Variants in TCF4 observed in about 807,000 individuals in gnomAD.
TCF4 encodes the protein transcription factor 4, also known as SL3-3 enhancer factor 2.
A neutral mutation model predicts 82.1 loss-of-function variants in TCF4; 3 were observed. The observed-to-expected ratio is 0.04, with a 90% confidence interval of 0.02 to 0.09. TCF4 has a LOEUF of 0.09. Ranked by LOEUF, TCF4 falls within the 10% of genes least tolerant of loss-of-function variation. The pLI is 1.00. For missense variants in TCF4, 518 were observed against 852.7 expected, an observed-to-expected ratio of 0.61 and a Z score of 4.89; for synonymous variants, 276 against 309.6, an observed-to-expected ratio of 0.89 and a Z score of 1.14.
intron 5 of TCF4, among the ~76,000 whole-genome samples, chr18:55,420,899 GAAA>G: frequency 9.9e-6 from 1 of 101,382 alleles, no homozygotes; most frequent in East Asian, 3.4e-4. Flanking sequence ...CGCTTTAAAA[GAAA>G]AAAAAAAAAA....
intron 3 of TCF4, among the ~76,000 whole-genome samples, chr18:55,577,122 TTA>T (rs1266801475): frequency 6.8e-6 from 1 of 146,148 alleles, no homozygotes; most frequent in Non-Finnish European, 1.5e-5. Flanking sequence ...ATATATACAT[TTA>T]TATATTTATA....
At chr18:55,259,633 G>C in intron 13 of TCF4, 1 of 285,164 alleles carries the variant, frequency 3.5e-6, no homozygotes, top group East Asian at 7.1e-5. Context: ...TTTTTCATCT[G>C]AGACGTTTTA....
rs371871030 is a variant in TCF4 at position 55,351,701 on chromosome 18, C to T, written c.370-698G>A. 17 of 358,308 alleles carry T rather than the reference C, an allele frequency of 4.7e-5. No homozygotes were observed. The East Asian group carries it at 2.6e-3, about 56-fold the overall frequency. The allele number at this position is 358,308 out of a possible 1,614,324, so 22.2% of individuals were successfully genotyped here. A position where few individuals can be genotyped will look rare whatever the true frequency, so the allele number is the denominator to read the frequency against. ...AACACTAGAAAACTTCCACAATAAC[C>T]TATCACAGTGTGACAATTATTAAAC... On this transcript the variant is annotated intron_variant, in intron 6 of 19. Transcript: ENST00000354452.
chr18:55,350,253 C>A (rs369842653), intron 8 of TCF4, 106 bp downstream of exon 8: 1 of 1,191,194 alleles, frequency 8.4e-7, no homozygotes, highest in African/African-American at 1.5e-5. Flanking sequence ...TCTAGATAAA[C>A]GTGCTGCTCT....
chr18:55,472,567 T>A (rs942621581), intron 3 of TCF4, among the ~76,000 whole-genome samples: 11 of 152,320 alleles, frequency 7.2e-5, no homozygotes, highest in Middle Eastern at 3.4e-3. Context: ...GAGCCATGAA[T>A]AACTCAAGCA....
At chr18:55,334,544 C>A (rs571539743) in intron 8 of TCF4, among the ~76,000 whole-genome samples, 4 of 152,086 alleles carry the variant, frequency 2.6e-5, no homozygotes, top group Non-Finnish European at 5.9e-5. Context: ...AACAGCATAA[C>A]CTCTTACCTA....
At chr18:55,616,276 G>T (rs775573383) in intron 2 of TCF4, among the ~76,000 whole-genome samples, 2 of 152,020 alleles carry the variant, frequency 1.3e-5, no homozygotes, top group Non-Finnish European at 2.9e-5. Flanking sequence ...TGTCCTCCAG[G>T]TTCATCCATG....
rs147146092 is a variant in TCF4 at position 55,530,863 on chromosome 18, A to C, written c.145+54417T>G. On this transcript the variant is annotated intron_variant, in intron 3 of 19. Coordinates refer to ENST00000354452, the MANE Select transcript of TCF4 (RefSeq NM_001083962.2). The stretch of plus-strand genomic sequence containing the variant: ...AGACATTCTATGAAACTACCACTAG[A>C]CTGCAAATGACACTCTGGTACACCT... 2.6e-3 allele frequency among the ~76,000 whole-genome samples: 398 copies of C among 152,232 alleles called. 4 individuals are homozygous for C. The highest frequency in any genetic ancestry group is 9.1e-3 in the African/African-American group (378 of 41,540).
intron 17 of TCF4, chr18:55,232,298 C>G (rs1424406507): frequency 3.5e-6 from 2 of 567,652 alleles, no homozygotes; most frequent in African/African-American, 3.8e-5. Flanking sequence ...AGCATTGGGT[C>G]CAGATTCATA....
intron 2 of TCF4, among the ~76,000 whole-genome samples, chr18:55,627,937 G>A (rs990904033): frequency 1.3e-5 from 2 of 152,132 alleles, no homozygotes; most frequent in African/African-American, 4.8e-5. Context: ...GCAGGCGCCT[G>A]TAGTCCCAGC....
intron 3 of TCF4, among the ~76,000 whole-genome samples, chr18:55,469,318 G>T (rs1198044015): frequency 2.6e-5 from 4 of 152,162 alleles, no homozygotes; most frequent in Admixed American, 6.5e-5. Flanking sequence ...ACAAAAATTA[G>T]CTGGGCCTGG....
At chr18:55,552,306 T>C (rs1484911128) in intron 3 of TCF4, among the ~76,000 whole-genome samples, 1 of 152,208 alleles carries the variant, frequency 6.6e-6, no homozygotes, top group East Asian at 1.9e-4. Context: ...TGAATAAAAT[T>C]AAGGTCATTA....
At chr18:55,469,337 G>T (rs972570722) in intron 3 of TCF4, among the ~76,000 whole-genome samples, 4 of 151,988 alleles carry the variant, frequency 2.6e-5, no homozygotes, top group Non-Finnish European at 5.9e-5. Context: ...GGTGGTGGAC[G>T]CCTGTAATCC....
intron 5 of TCF4, chr18:55,452,549 TA>T (rs1441627696): frequency 6.6e-6 from 1 of 152,160 alleles, no homozygotes; most frequent in Non-Finnish European, 1.5e-5. Flanking sequence ...ACACTGGGAG[TA>T]AAGCCTGGCC....
At chr18:55,354,360 T>C (rs2082979546) in intron 6 of TCF4, among the ~76,000 whole-genome samples, 1 of 152,200 alleles carries the variant, frequency 6.6e-6, no homozygotes, top group Non-Finnish European at 1.5e-5. Flanking sequence ...GATTTGTTTG[T>C]TTTACATCAG....
intron 6 of TCF4, among the ~76,000 whole-genome samples, chr18:55,359,955 A>G (rs1219683095): frequency 6.6e-6 from 1 of 152,208 alleles, no homozygotes; most frequent in Admixed American, 6.5e-5. Flanking sequence ...TCTATAGTAC[A>G]TGGGGCTATT....
intron 3 of TCF4, among the ~76,000 whole-genome samples, chr18:55,526,546 C>G (rs1331589119): frequency 6.6e-6 from 1 of 152,144 alleles, no homozygotes; most frequent in Non-Finnish European, 1.5e-5. Flanking sequence ...TATTTTACCT[C>G]TGACACCACA....
intron 5 of TCF4, among the ~76,000 whole-genome samples, chr18:55,436,788 C>T (rs4468713): frequency 0.55 from 82,931 of 152,016 alleles, 23,952 homozygotes; most frequent in Non-Finnish European, 0.63. Context: ...ACTGGACATA[C>T]AACTAAATAT....
intron 5 of TCF4, among the ~76,000 whole-genome samples, chr18:55,406,850 T>A (rs1174489847): frequency 6.6e-6 from 1 of 152,182 alleles, no homozygotes; most frequent in African/African-American, 2.4e-5. Flanking sequence ...CACTGCGGAA[T>A]TTTCGAGACA....
Sources: allele counts gnomAD v4.1 joint callset (sites outside exome capture counted in the v4.1 genomes callset), GRCh38; gene constraint gnomAD v4.1.1; transcripts MANE v1.5; gene names NCBI Gene and HGNC (gene_info 2026-07-23, HGNC 2026-07-21).